The following OTUB1 variants were observed in gnomAD, a reference collection of about 807,000 sequenced individuals.
OTUB1 encodes ubiquitin thioesterase OTUB1.
Under a neutral mutation model 35.8 loss-of-function variants are expected in OTUB1, and 10 were observed. The observed-to-expected ratio is 0.28, with a 90% CI of 0.17 to 0.47. The LOEUF (loss-of-function observed/expected upper bound fraction) is 0.47. Ranked by LOEUF, OTUB1 falls within the 20% of genes least tolerant of loss-of-function variation. The pLI is 0.99. For missense variants in OTUB1, 264 were observed against 351.6 expected (o/e 0.75, Z 1.99); for synonymous variants, 158 against 143.8 (o/e 1.10, Z -0.71).
At chr11:63,986,545 G>A in intron 1 of OTUB1, 31 bp downstream of exon 1, 1 of 1,521,358 alleles carries the variant, frequency 6.6e-7, no homozygotes. Flanking sequence ...GTCCGGCCCG[G>A]GCTAGTGGGG....
In OTUB1 at chr11:63,997,704, C is replaced by A. The variant is rs112341603; in HGVS notation, c.*158C>A. The stretch of plus-strand genomic sequence containing the variant: ...TATTAAAGGGGGTGCTGGTGGTGAG[C>A]CGTGTGTGCGTGTCCCTGCTCTGCT... On this transcript the variant is annotated 3_prime_UTR_variant, in exon 7 of 7. Transcript: ENST00000538426. 1 of 724,882 alleles carries A rather than the reference C, an allele frequency of 1.4e-6. No homozygotes were observed. The highest frequency in any genetic ancestry group is 2.7e-5 in the East Asian group (1 of 37,302). 44.9% of individuals were successfully genotyped at this position (724,882 alleles called of 1,614,324 possible). A position where few individuals can be genotyped will look rare whatever the true frequency, so the allele number is the denominator to read the frequency against.
At chr11:63,988,253 G>C in intron 1 of OTUB1, 84 bp from the exon 2 acceptor site, 1 of 1,091,280 alleles carries the variant, frequency 9.2e-7, no homozygotes, top group African/African-American at 1.6e-5. Flanking sequence ...TCCTGACCCT[G>C]GGCTGCTCTT....
At chr11:63,996,218 A>C (rs2134310873) in intron 3 of OTUB1, among the ~76,000 whole-genome samples, 1 of 152,258 alleles carries the variant, frequency 6.6e-6, no homozygotes. Flanking sequence ...GAAAGACTGG[A>C]GGAAACGCAT....
chr11:63,993,173 G>A (rs868401463), intron 3 of OTUB1, among the ~76,000 whole-genome samples: 3 of 152,322 alleles, frequency 2.0e-5, no homozygotes, highest in East Asian at 1.9e-4. Flanking sequence ...AGTCGGCAGC[G>A]ACTGGAAGGC....
At chr11:63,990,595 A>AAAAAAAT in intron 3 of OTUB1, 1 of 144,994 alleles carries the variant, frequency 6.9e-6, no homozygotes, top group African/African-American at 2.7e-5. Context: ...TAAAAAAATA[A>AAAAAAAT]AAAAATAAAT....
At position 63,997,874 on chromosome 11, in the gene OTUB1, T is replaced by C; in HGVS notation, c.*328T>C. ...CCCCTCCTGCTTCGTTGGGTTCTGC[T>C]TCCTTCCCTTCTTAGCTGGCTCAGG... On this transcript the variant is annotated 3_prime_UTR_variant, in exon 7 of 7. Transcript: ENST00000538426. The C allele has an allele frequency of 1.6e-6, 1 of 642,466 alleles. No individual in the cohort carries two copies. Among genetic ancestry groups the C allele is most frequent in the Non-Finnish European group, 2.8e-6 (1 of 356,894 alleles). 39.8% of individuals were successfully genotyped at this position (642,466 alleles called of 1,614,324 possible).
Position 63,998,391 on chromosome 11 carries a change from A to C in OTUB1, c.*845A>C. On this transcript the variant is annotated 3_prime_UTR_variant, in exon 7 of 7. Transcript: ENST00000538426. ...TGAGCTCCTTGGGGGCAGGCCCTCA[A>C]TAAATGTGAACTGCTGCTGCCGCCT... The C allele has an allele frequency of 5.8e-6, 1 of 173,092 alleles. No individual in the cohort carries two copies. The highest frequency in any genetic ancestry group is 1.2e-5 in the Non-Finnish European group (1 of 82,568). The allele number at this position is 173,092 out of a possible 1,614,324, so 10.7% of individuals were successfully genotyped here.
intron 3 of OTUB1, among the ~76,000 whole-genome samples, chr11:63,991,806 C>T (rs1942675172): frequency 6.6e-6 from 1 of 152,182 alleles, no homozygotes; most frequent in African/African-American, 2.4e-5. Context: ...TAGAGCCATG[C>T]AGACAAAGTC....
intron 3 of OTUB1, among the ~76,000 whole-genome samples, chr11:63,991,198 G>A (rs1016075868): frequency 6.6e-6 from 1 of 152,176 alleles, no homozygotes; most frequent in Non-Finnish European, 1.5e-5. Flanking sequence ...GTTCTCTCTG[G>A]GCGGGGACAT....
chr11:63,995,439 A>C (rs1052980070), intron 3 of OTUB1, among the ~76,000 whole-genome samples: 7 of 148,246 alleles, frequency 4.7e-5, no homozygotes, highest in Admixed American at 3.3e-4. Flanking sequence ...CAGGTGATCC[A>C]ACCACCTCAG....
chr11:63,988,837 T>C, intron 3 of OTUB1, 85 bp downstream of exon 3: 4 of 844,884 alleles, frequency 4.7e-6, no homozygotes, highest in Non-Finnish European at 8.1e-6. Flanking sequence ...CTGCTGGGTC[T>C]GTCACCTGAG....
Position 63,998,217 on chromosome 11 carries a change from C to T in OTUB1, c.*671C>T, listed in dbSNP as rs147616481. The T allele has an allele frequency of 7.2e-4, 132 of 184,198 alleles. No individual in the cohort carries two copies. The East Asian group carries it at 0.018, about 25-fold the overall frequency. The allele number at this position is 184,198 out of a possible 1,614,324, so 11.4% of individuals were successfully genotyped here. A position where few individuals can be genotyped will look rare whatever the true frequency, so the allele number is the denominator to read the frequency against. On this transcript the variant is annotated 3_prime_UTR_variant, in exon 7 of 7. Transcript: ENST00000538426. ...AGGTCTAGGCAGGGCTGCCGGTTCT[C>T]CACCTCCCCATCCGCCCCAGGCCCC...
chr11:63,989,016 G>T, intron 3 of OTUB1: 18 of 174,928 alleles, frequency 1.0e-4, no homozygotes, highest in Non-Finnish European at 1.3e-4. Context: ...CTTCATCTCA[G>T]AAAAAAAAAA....
chr11:63,997,556 C>T lies in OTUB1; in HGVS notation c.*10C>T. The stretch of plus-strand genomic sequence containing the variant: ...TATCCTCTACAAATAGGGCTGGCTC[C>T]AGCCCGCTGCTGCCCTGCTGCCCCC... On this transcript the variant is annotated 3_prime_UTR_variant, in exon 7 of 7. Coordinates refer to ENST00000538426, the MANE Select transcript of OTUB1 (RefSeq NM_017670.3). 6.2e-7 allele frequency: 1 copy of T among 1,611,168 alleles called. No individual in the cohort carries two copies. The highest frequency in any genetic ancestry group is 1.7e-4 in the Middle Eastern group (1 of 6,056).
chr11:63,987,524 C>T (rs1942632302), intron 1 of OTUB1, among the ~76,000 whole-genome samples: 1 of 147,896 alleles, frequency 6.8e-6, no homozygotes, highest in Non-Finnish European at 1.5e-5. Flanking sequence ...AGGGTACTCG[C>T]CCCATTTTAC....
chr11:63,997,706 G>C lies in OTUB1; in HGVS notation c.*160G>C. On this transcript the variant is annotated 3_prime_UTR_variant, in exon 7 of 7. Coordinates refer to ENST00000538426, the MANE Select transcript of OTUB1 (RefSeq NM_017670.3). ...TTAAAGGGGGTGCTGGTGGTGAGCCGTGTGTGCGTGTCCCTGCTCTGCTGC... is the reference window on the plus strand; with the variant it reads ...TTAAAGGGGGTGCTGGTGGTGAGCCCTGTGTGCGTGTCCCTGCTCTGCTGC... 1 of 720,384 alleles carries C rather than the reference G, an allele frequency of 1.4e-6. No homozygotes were observed. Among genetic ancestry groups the C allele is most frequent in the Non-Finnish European group, 2.5e-6 (1 of 401,692 alleles). The allele number at this position is 720,384 out of a possible 1,614,324, so 44.6% of individuals were successfully genotyped here.
rs1942716231 is a variant in OTUB1 at position 63,996,329 on chromosome 11, T to G, written c.220-201T>G. The stretch of plus-strand genomic sequence containing the variant: ...GTTTGTCCTTAAGTGCCCAGCTTCC[T>G]GCCGTCTTTTGGGAGGACTCTGGGC... On this transcript the variant is annotated intron_variant, in intron 3 of 6. Transcript: ENST00000538426. 3.3e-5 allele frequency among the ~76,000 whole-genome samples: 5 copies of G among 152,242 alleles called. No individual in the cohort carries two copies. The South Asian group carries it at 8.3e-4, about 25-fold the overall frequency.
In OTUB1 at chr11:63,996,613, G is replaced by A; in HGVS notation, c.303G>A (p.Leu101=). Residue 101 remains leucine (L), a synonymous_variant, in exon 4 of 7, where the codon TTG becomes TTA. Transcript: ENST00000538426. The part of the protein sequence containing the change: ...CFYRAFGFSH[L]EALLDDSKEL... ...ATCGGGCTTTCGGATTCTCCCACTT[G>A]GAGGCACTGCTGGATGACAGCAAGG... The A allele has an allele frequency of 6.2e-7, 1 of 1,614,226 alleles. No homozygotes were observed. Among genetic ancestry groups the A allele is most frequent in the Middle Eastern group, 1.7e-4 (1 of 6,060 alleles).
chr11:63,989,352 TC>T (rs1942649527), intron 3 of OTUB1: 1 of 151,386 alleles, frequency 6.6e-6, no homozygotes, highest in African/African-American at 2.4e-5. Flanking sequence ...AAATCTAGAC[TC>T]TGCTACTCAG....
Sources: gnomAD v4.1 joint callset for allele counts (sites outside exome capture counted in the v4.1 genomes callset) on GRCh38, gnomAD v4.1.1 for gene constraint, MANE v1.5 for transcripts, NCBI Gene and HGNC (gene_info 2026-07-23, HGNC 2026-07-21) for gene names.